FRK: variants seen among roughly 807,000 people sequenced by gnomAD.
FRK encodes the protein tyrosine-protein kinase FRK.
FRK carries 51 observed loss-of-function variants against 56.4 expected under a neutral mutation model. The observed-to-expected ratio is 0.90, with a 90% CI of 0.72 to 1.14. The LOEUF (loss-of-function observed/expected upper bound fraction) is 1.14. Ranked by LOEUF, FRK falls within the 50% of genes most tolerant of loss-of-function variation. The pLI is 0.00. For synonymous variants in FRK, 245 were observed against 217.9 expected, an observed-to-expected ratio of 1.12 and a Z score of -1.10; for missense variants, 570 against 601.4, an observed-to-expected ratio of 0.95 and a Z score of 0.55.
At chr6:116,078,160 C>CATAA in the FRK span, among the ~76,000 whole-genome samples, 2 of 152,132 alleles carry the variant, frequency 1.3e-5, no homozygotes, top group Non-Finnish European at 2.9e-5. Context: ...AACTCCATTT[C>CATAA]ATAAATAAAT....
chr6:116,025,000 A>G (rs368846693), intron 1 of FRK, among the ~76,000 whole-genome samples: 1 of 152,038 alleles, frequency 6.6e-6, no homozygotes, highest in East Asian at 1.9e-4. Flanking sequence ...TTTGATTTGC[A>G]TTTCTCTGAT....
At chr6:115,980,886 T>C (rs118186678) in intron 2 of FRK, among the ~76,000 whole-genome samples, 2,873 of 152,276 alleles carry the variant, frequency 0.019, 62 homozygotes, top group South Asian at 0.097. Flanking sequence ...AACTGATTTC[T>C]AAACTGTGAT....
rs1008808196 is a variant in FRK at position 115,931,986 on chromosome 6, T to C, written c.*10428A>G. The C allele has an allele frequency of 6.6e-6, 1 of 152,230 alleles. No homozygotes were observed. The highest frequency in any genetic ancestry group is 1.5e-5 in the Non-Finnish European group (1 of 68,032). 9.4% of individuals were successfully genotyped at this position (152,230 alleles called of 1,614,324 possible). A position where few individuals can be genotyped will look rare whatever the true frequency, so the allele number is the denominator to read the frequency against. On this transcript the variant is annotated 3_prime_UTR_variant, in exon 8 of 8. Coordinates refer to ENST00000606080, the MANE Select transcript of FRK (RefSeq NM_002031.3). ...TTATTCTCCATGAAAATGAAAAAGA[T>C]GTTACATTGACGTCTGTTGCTTCAA...
At chr6:116,029,672 C>G (rs1776229119) in intron 1 of FRK, among the ~76,000 whole-genome samples, 1 of 152,126 alleles carries the variant, frequency 6.6e-6, no homozygotes, top group Non-Finnish European at 1.5e-5. Context: ...TTCTACAGAA[C>G]AACCCTATAA....
At chr6:116,039,584 T>A (rs1776633347) in intron 1 of FRK, 14 of 807,752 alleles carry the variant, frequency 1.7e-5, no homozygotes, top group Non-Finnish European at 3.1e-5. Flanking sequence ...CACATGTTTC[T>A]GATGGTGTCA....
intron 1 of FRK, among the ~76,000 whole-genome samples, chr6:116,058,707 G>C: frequency 6.6e-6 from 1 of 151,916 alleles, no homozygotes; most frequent in East Asian, 1.9e-4. Flanking sequence ...TCAGGAGATC[G>C]AGACCATCCC....
At position 115,933,529 on chromosome 6, in the gene FRK, C is replaced by G. The variant is rs1049342294; in HGVS notation, c.*8885G>C. Reference sequence around the variant, plus strand: ...AACATAAATGTCCCCAAGAATCAAACACAGTAAGTTAAACGGGTATCAGGT... The same window carrying G: ...AACATAAATGTCCCCAAGAATCAAAGACAGTAAGTTAAACGGGTATCAGGT... On this transcript the variant is annotated 3_prime_UTR_variant, in exon 8 of 8. Coordinates refer to ENST00000606080, the MANE Select transcript of FRK (RefSeq NM_002031.3). 2.0e-5 allele frequency: 3 copies of G among 152,114 alleles called. No homozygotes were observed. The highest frequency in any genetic ancestry group is 6.5e-5 in the Admixed American group (1 of 15,282). The allele number at this position is 152,114 out of a possible 1,614,324, so 9.4% of individuals were successfully genotyped here.
chr6:116,005,606 A>G (rs1775219330), intron 1 of FRK, among the ~76,000 whole-genome samples: 1 of 152,354 alleles, frequency 6.6e-6, no homozygotes, highest in Non-Finnish European at 1.5e-5. Flanking sequence ...TTGAGTCAGT[A>G]TCAGGAGCAA....
At chr6:115,999,173 C>A (rs1355348881) in intron 2 of FRK, among the ~76,000 whole-genome samples, 2 of 151,990 alleles carry the variant, frequency 1.3e-5, no homozygotes, top group African/African-American at 2.4e-5. Flanking sequence ...CAAGAAATAG[C>A]CAAACCAGTT....
At chr6:116,095,262 TAAGGGAACTCTTTATAG>T in the FRK span, among the ~76,000 whole-genome samples, 1 of 152,226 alleles carries the variant, frequency 6.6e-6, no homozygotes, top group East Asian at 1.9e-4. Flanking sequence ...CAGTAAGTGA[TAAGGGAACTCTTTATAG>T]AAGCAGAGTT....
chr6:115,996,924 C>G (rs1445813737), intron 2 of FRK, among the ~76,000 whole-genome samples: 1 of 152,152 alleles, frequency 6.6e-6, no homozygotes, highest in African/African-American at 2.4e-5. Context: ...CCTAAGGAAG[C>G]TGTTACTGTT....
At chr6:116,061,717 C>T (rs982076634), upstream of FRK, among the ~76,000 whole-genome samples, 10 of 152,242 alleles carry the variant, frequency 6.6e-5, no homozygotes, top group East Asian at 3.9e-4. Context: ...GATCAACGTA[C>T]GGTCATTTAT....
At chr6:116,072,559 AC>A in the FRK span, among the ~76,000 whole-genome samples, 4 of 147,934 alleles carry the variant, frequency 2.7e-5, no homozygotes, top group Non-Finnish European at 4.5e-5. Flanking sequence ...ACACACACAC[AC>A]ACACAAGATA....
At chr6:116,024,683 G>C (rs529609889) in intron 1 of FRK, among the ~76,000 whole-genome samples, 1 of 152,046 alleles carries the variant, frequency 6.6e-6, no homozygotes, top group African/African-American at 2.4e-5. Context: ...CATTTGGGTC[G>C]GTTCCAAGTC....
intron 1 of FRK, among the ~76,000 whole-genome samples, chr6:116,049,593 G>A (rs1181461283): frequency 1.3e-5 from 2 of 152,152 alleles, no homozygotes; most frequent in African/African-American, 4.8e-5. Flanking sequence ...GAGCAAGCTG[G>A]AGGCAGATAA....
intron 1 of FRK, among the ~76,000 whole-genome samples, chr6:116,043,331 T>G (rs1362157951): frequency 6.6e-6 from 1 of 152,166 alleles, no homozygotes. Context: ...GATCACATAA[T>G]TGGAAGTAAA....
At chr6:116,064,808 A>G (rs1412938419), upstream of FRK, among the ~76,000 whole-genome samples, 2 of 152,182 alleles carry the variant, frequency 1.3e-5, no homozygotes, top group Non-Finnish European at 2.9e-5. Flanking sequence ...TTGGAATTCA[A>G]GGCTAAGGAA....
chr6:116,038,971 C>T, intron 1 of FRK: 1 of 699,388 alleles, frequency 1.4e-6, no homozygotes. Context: ...ACTAACGGGG[C>T]CTTTACTTGG....
At chr6:115,973,489 T>A (rs890478104) in intron 2 of FRK, among the ~76,000 whole-genome samples, 4 of 152,074 alleles carry the variant, frequency 2.6e-5, no homozygotes, top group African/African-American at 9.7e-5. Flanking sequence ...CAAACCACCA[T>A]GGCACGCGTA....
Sources: gnomAD v4.1 joint callset for allele counts (sites outside exome capture counted in the v4.1 genomes callset) on GRCh38, gnomAD v4.1.1 for gene constraint, MANE v1.5 for transcripts, NCBI Gene and HGNC (gene_info 2026-07-23, HGNC 2026-07-21) for gene names.